The following VEPH1 variants were observed in gnomAD, a reference collection of about 807,000 sequenced individuals.
VEPH1 encodes the protein ventricular zone expressed PH domain containing 1, also known as ventricular zone-expressed PH domain-containing protein homolog 1.
Under a neutral mutation model 85.2 loss-of-function variants are expected in VEPH1, and 80 were observed. The ratio of observed to expected loss-of-function variants is 0.94; its 90% CI spans 0.78 to 1.13. VEPH1 has a LOEUF of 1.13. VEPH1 is among the 50% of genes most tolerant of loss of function. The pLI is 0.00. For synonymous variants in VEPH1, 297 were observed against 348.0 expected (o/e 0.85, Z 1.63); for missense variants, 955 against 980.5 (o/e 0.97, Z 0.35).
intron 10 of VEPH1, chr3:157,315,969 T>C (rs531458155): frequency 3.0e-4 from 46 of 152,244 alleles, no homozygotes; most frequent in African/African-American, 1.0e-3. Flanking sequence ...TCACATACAA[T>C]TTGGTTCACA....
Position 157,470,374 on chromosome 3 carries a change from C to T in VEPH1, c.294G>A (p.Gly98=), listed in dbSNP as rs543692415. The change falls in exon 3 of 14, where the codon GGG becomes GGA. Residue 98 remains glycine, a synonymous_variant. Transcript: ENST00000362010. ...TTGCATGAGGAGTGTCTTCGTCTTT[C>T]CCAAAGGGTCTCAGGTTATGTTCCA... The part of the protein sequence containing the change: ...SCLEHNLRPF[G]KDEDTPHAKI... The T allele has an allele frequency of 8.7e-6, 14 of 1,614,072 alleles. 2 individuals are homozygous for T. In the Admixed American group the frequency reaches 1.8e-4, roughly 21 times the overall value.
intron 9 of VEPH1, among the ~76,000 whole-genome samples, chr3:157,327,030 A>G (rs1396340422): frequency 6.6e-6 from 1 of 152,156 alleles, no homozygotes; most frequent in East Asian, 1.9e-4. Flanking sequence ...TCTGCACAGT[A>G]GACTGCAGAG....
chr3:157,475,977 A>G (rs964591376), intron 2 of VEPH1, among the ~76,000 whole-genome samples: 1 of 152,256 alleles, frequency 6.6e-6, no homozygotes, highest in Non-Finnish European at 1.5e-5. Flanking sequence ...GACATAAAGT[A>G]TAAACATCTT....
At chr3:157,391,665 T>C (rs1404216984) in intron 6 of VEPH1, among the ~76,000 whole-genome samples, 1 of 152,096 alleles carries the variant, frequency 6.6e-6, no homozygotes, top group African/African-American at 2.4e-5. Flanking sequence ...GAAAATATAT[T>C]TGAGGGAATA....
intron 6 of VEPH1, among the ~76,000 whole-genome samples, chr3:157,385,089 C>A (rs1729145894): frequency 6.6e-6 from 1 of 152,084 alleles, no homozygotes; most frequent in African/African-American, 2.4e-5. Context: ...GCTATAAGTA[C>A]TAGAATCATT....
At chr3:157,412,092 C>T (rs1731579310) in intron 6 of VEPH1, among the ~76,000 whole-genome samples, 1 of 152,128 alleles carries the variant, frequency 6.6e-6, no homozygotes, top group South Asian at 2.1e-4. Flanking sequence ...TGCCTTCTTC[C>T]CCTTTGCCTT....
intron 5 of VEPH1, among the ~76,000 whole-genome samples, chr3:157,425,154 G>C (rs1455063527): frequency 6.6e-6 from 1 of 152,232 alleles, no homozygotes; most frequent in Non-Finnish European, 1.5e-5. Flanking sequence ...ACTTCAGAAG[G>C]TGTAAACCCC....
chr3:157,456,548 A>G (rs1307785746), intron 4 of VEPH1, among the ~76,000 whole-genome samples: 2 of 152,098 alleles, frequency 1.3e-5, no homozygotes, highest in African/African-American at 4.8e-5. Flanking sequence ...TAATTTTTGT[A>G]TGTGGTATAA....
chr3:157,346,597 A>C (rs544745223), intron 9 of VEPH1, among the ~76,000 whole-genome samples: 2 of 148,550 alleles, frequency 1.3e-5, no homozygotes, highest in Non-Finnish European at 1.5e-5. Flanking sequence ...CTCATATTTT[A>C]GTGCCTTAAA....
chr3:157,348,342 G>C lies in VEPH1; in HGVS notation c.1735+15022C>G, dbSNP rs149966089. Among the ~76,000 whole-genome samples the C allele has an allele frequency of 3.4e-3, 521 of 152,254 alleles. 3 individuals are homozygous for C. The highest frequency in any genetic ancestry group is 0.012 in the African/African-American group (495 of 41,546). On this transcript the variant is annotated intron_variant, in intron 9 of 13. Transcript: ENST00000362010. ...AGGGACCTCCACACTGTTCTCTTTAGTGGTTATACTAGTTTATATTCCCAA... is the reference window on the plus strand; with the variant it reads ...AGGGACCTCCACACTGTTCTCTTTACTGGTTATACTAGTTTATATTCCCAA...
Position 157,304,038 on chromosome 3 carries a change from T to TATATATATATATATATATACACAC in VEPH1, c.2010+9582_2010+9583insGTGTGTATATATATATATATATAT. 1.2e-3 allele frequency among the ~76,000 whole-genome samples: 118 copies of TATATATATATATATATATACACAC among 96,864 alleles called. 8 individuals carry two copies. The highest frequency in any genetic ancestry group is 0.011 in the East Asian group (31 of 2,706). The allele number at this position is 96,864 out of a possible 152,430, so 63.5% of individuals were successfully genotyped here. On this transcript the variant is annotated intron_variant, in intron 11 of 13. Coordinates refer to ENST00000362010, the MANE Select transcript of VEPH1 (RefSeq NM_001167912.2). Reference sequence around the variant, plus strand: ...CTTATATTTTTTATATATATATATATACACACATACTGTTACATCTTATAT... The same window carrying TATATATATATATATATATACACAC: ...CTTATATTTTTTATATATATATATATATATATATATATATATATACACACACACACATACTGTTACATCTTATAT...
In VEPH1 at chr3:157,436,202, A is replaced by G. The variant is rs188445124; in HGVS notation, c.530-7714T>C. 5.4e-3 allele frequency among the ~76,000 whole-genome samples: 816 copies of G among 150,736 alleles called. 3 individuals carry two copies. The highest frequency in any genetic ancestry group is 8.8e-3 in the Non-Finnish European group (598 of 67,576). On this transcript the variant is annotated intron_variant, in intron 4 of 13. Coordinates refer to ENST00000362010, the MANE Select transcript of VEPH1 (RefSeq NM_001167912.2). ...TGAGGTAGGAGAATCGCTTGAACCCAGGATGCGGAGGTTGCAGTGAGCCGA... is the reference window on the plus strand; with the variant it reads ...TGAGGTAGGAGAATCGCTTGAACCCGGGATGCGGAGGTTGCAGTGAGCCGA...
At chr3:157,419,445 G>C (rs1732167553) in intron 5 of VEPH1, among the ~76,000 whole-genome samples, 1 of 152,090 alleles carries the variant, frequency 6.6e-6, no homozygotes, top group Admixed American at 6.6e-5. Context: ...CTAATATCCA[G>C]AATCTACAAG....
chr3:157,392,565 G>A (rs1020727708), intron 6 of VEPH1, among the ~76,000 whole-genome samples: 2 of 151,972 alleles, frequency 1.3e-5, no homozygotes, highest in Non-Finnish European at 2.9e-5. Flanking sequence ...GGAAGAAGAA[G>A]AATTGTCTTG....
intron 12 of VEPH1, among the ~76,000 whole-genome samples, chr3:157,267,102 CTTTTTT>C (rs10537483): frequency 1.1e-4 from 14 of 124,676 alleles, no homozygotes; most frequent in Non-Finnish European, 2.1e-4. Context: ...TCTTTTTTTT[CTTTTTT>C]TTTTTTTTTT....
At chr3:157,429,936 A>T (rs960506383) in intron 4 of VEPH1, among the ~76,000 whole-genome samples, 4 of 152,086 alleles carry the variant, frequency 2.6e-5, no homozygotes, top group Admixed American at 2.0e-4. Context: ...GAAGGGAAAA[A>T]CCCCAGATTA....
intron 3 of VEPH1, among the ~76,000 whole-genome samples, chr3:157,467,008 A>T (rs575814880): frequency 6.6e-6 from 1 of 152,222 alleles, no homozygotes; most frequent in Admixed American, 6.5e-5. Context: ...TTAGGGACCA[A>T]GAAAAGAAGT....
chr3:157,305,136 G>T, intron 11 of VEPH1, among the ~76,000 whole-genome samples: 2 of 109,744 alleles, frequency 1.8e-5, no homozygotes, highest in East Asian at 3.0e-4. Flanking sequence ...TTGAGACGGA[G>T]TCTCGCTCTG....
In VEPH1 at chr3:157,260,863, C is replaced by G; in HGVS notation, c.*271G>C. 2.8e-6 allele frequency: 1 copy of G among 357,746 alleles called. No homozygotes were observed. The highest frequency in any genetic ancestry group is 5.7e-5 in the East Asian group (1 of 17,582). 22.2% of individuals were successfully genotyped at this position (357,746 alleles called of 1,614,324 possible). A position where few individuals can be genotyped will look rare whatever the true frequency, so the allele number is the denominator to read the frequency against. ...ATCAGTGACTTTTCCCTTCCTGGCCCCACACTATCTGAGGGCATACTCTGT... is the reference window on the plus strand; with the variant it reads ...ATCAGTGACTTTTCCCTTCCTGGCCGCACACTATCTGAGGGCATACTCTGT... On this transcript the variant is annotated 3_prime_UTR_variant, in exon 14 of 14. Transcript: ENST00000362010.
Sources: gnomAD v4.1 joint callset for allele counts (sites outside exome capture counted in the v4.1 genomes callset) on GRCh38, gnomAD v4.1.1 for gene constraint, MANE v1.5 for transcripts, NCBI Gene and HGNC (gene_info 2026-07-23, HGNC 2026-07-21) for gene names.